The following ATP2A3 variants were observed in gnomAD, a reference collection of about 807,000 sequenced individuals.
The protein encoded by ATP2A3 is ATPase sarcoplasmic/endoplasmic reticulum Ca2+ transporting 3, also known as sarcoplasmic/endoplasmic reticulum calcium ATPase 3.
A neutral mutation model predicts 106.8 loss-of-function variants in ATP2A3; 61 were observed. The ratio of observed to expected loss-of-function variants is 0.57; its 90% CI spans 0.46 to 0.71. The LOEUF is 0.71. Among genes scored for constraint, ATP2A3 ranks in the 30% least tolerant of loss-of-function variants. The probability of loss-of-function intolerance (pLI) is 0.00; values close to 1 mark genes in which losing one functional copy is unlikely to be tolerated. For synonymous variants in ATP2A3, 611 were observed against 609.3 expected, an observed-to-expected ratio of 1.00 and a Z score of -0.04; for missense variants, 1,201 against 1,423.5, an observed-to-expected ratio of 0.84 and a Z score of 2.52.
At chr17:3,950,659 C>T in intron 6 of ATP2A3, 34 bp downstream of exon 6, 1 of 1,613,758 alleles carries the variant, frequency 6.2e-7, no homozygotes, top group South Asian at 1.1e-5. Flanking sequence ...TAGTCCTGGC[C>T]CACTAGGTCC....
In ATP2A3 at chr17:3,928,004, A is replaced by G. The variant is rs767107306; in HGVS notation, c.2980+659T>C. ...ACCCCTGCTTCCTCCCTCTCTGAGC[A>G]GCTCTGACAGCGAGACGATGCTGTG... On this transcript the variant is annotated intron_variant, in intron 20 of 20. Transcript: ENST00000397041. This position sits in a 1 kb window ranked among gnomAD's most constrained non-coding sequence, Gnocchi z 6.1. 3.7e-6 allele frequency: 6 copies of G among 1,614,082 alleles called. No individual in the cohort carries two copies. The East Asian group carries it at 8.9e-5, about 24-fold the overall frequency.
In ATP2A3 at chr17:3,936,458, G is replaced by A. The variant is rs746515855; in HGVS notation, c.2333C>T (p.Thr778Met). ...GGCTTCGGGCAGGCCCAGAATTGCCGTGAGGAAGATGCTGGAACAGAGTCA... is the reference window on the plus strand; with the variant it reads ...GGCTTCGGGCAGGCCCAGAATTGCCATGAGGAAGATGCTGGAACAGAGTCA... ...NVGEVVCIFL[T>M]AILGLPEALI... Residue 778 changes from threonine (T) to methionine (M), a missense_variant, in exon 16 of 21, where the codon ACG becomes ATG. Thr to Met is a moderately conservative substitution (Grantham distance 81). Transcript: ENST00000397041. The surrounding 1 kb of genome is among the most constrained non-coding windows in gnomAD (Gnocchi z 5.4). 8.1e-6 allele frequency: 13 copies of A among 1,613,940 alleles called. No homozygotes were observed. The highest frequency in any genetic ancestry group is 1.7e-5 in the Admixed American group (1 of 59,988).
chr17:3,930,605 G>A lies in ATP2A3; in HGVS notation c.2611-171C>T, dbSNP rs1258373350. ...GGGAGGGGTGCGGGGTCGGGGCGGC[G>A]GTGGGGAGAGCTGCACCGTGCCAGG... is the stretch of plus-strand genomic sequence containing the variant. On this transcript the variant is annotated intron_variant, in intron 17 of 20. Transcript: ENST00000397041. The surrounding 1 kb of genome is among the most constrained non-coding windows in gnomAD (Gnocchi z 5.4). 16 of 863,012 alleles carry A rather than the reference G, an allele frequency of 1.9e-5. No homozygotes were observed. The highest frequency in any genetic ancestry group is 5.3e-5 in the East Asian group (2 of 37,464). The allele number at this position is 863,012 out of a possible 1,614,324, so 53.5% of individuals were successfully genotyped here. A position where few individuals can be genotyped will look rare whatever the true frequency, so the allele number is the denominator to read the frequency against.
chr17:3,941,283 G>T lies in ATP2A3; in HGVS notation c.1788C>A (p.Cys596Ter). 6.2e-7 allele frequency: 1 copy of T among 1,613,582 alleles called. No homozygotes were observed. The highest frequency in any genetic ancestry group is 8.5e-7 in the Non-Finnish European group (1 of 1,179,944). ...GTCGCGGCGGGTCCAGCATGCCTACGCAGCCCACGAAGGTCAGGTCCGTCT... is the reference window on the plus strand; with the variant it reads ...GTCGCGGCGGGTCCAGCATGCCTACTCAGCCCACGAAGGTCAGGTCCGTCT... ...QYETDLTFVG[C>*]VGMLDPPRPE... The change falls in exon 14 of 21, where the codon TGC becomes TGA. Residue 596 changes from cysteine (C) to a stop codon, truncating the protein, a stop_gained. Coordinates refer to ENST00000397041, the MANE Select transcript of ATP2A3 (RefSeq NM_005173.4). LOFTEE classifies it high-confidence loss of function.
intron 17 of ATP2A3, 178 bp downstream of exon 17, chr17:3,935,014 G>C (rs2053348635): frequency 2.9e-6 from 2 of 687,970 alleles, no homozygotes; most frequent in Non-Finnish European, 5.1e-6. Context: ...GTCCGTGCTG[G>C]TGTCTCTGGG....
rs140082452 is a variant in ATP2A3, at chr17:3,942,680, G to A, written c.1471C>T (p.Arg491Trp). Residue 491 changes from arginine (R) to tryptophan (W), a missense_variant, in exon 12 of 21, where the codon CGG becomes TGG. By Grantham distance (101) the Arg-to-Trp change is moderately radical. Around this residue, in one of 2 missense-constraint regions of ATP2A3, gnomAD observed 935 missense variants for 1,176.7 expected, o/e 0.79. Coordinates refer to ENST00000397041, the MANE Select transcript of ATP2A3 (RefSeq NM_005173.4). Reference protein sequence around the residue: ...KEFTLEFSRDRKSMSVYCTPT... With the variant: ...KEFTLEFSRDWKSMSVYCTPT... ...GTGCAGTACACGGACATGGATTTCCGGTCTCGGGAGAACTCCAGGGTGAAC... is the reference window on the plus strand; with the variant it reads ...GTGCAGTACACGGACATGGATTTCCAGTCTCGGGAGAACTCCAGGGTGAAC... 5.0e-6 allele frequency: 8 copies of A among 1,613,542 alleles called. No individual in the cohort carries two copies. Among genetic ancestry groups the A allele is most frequent in the South Asian group, 2.2e-5 (2 of 91,080 alleles).
intron 10 of ATP2A3, among the ~76,000 whole-genome samples, chr17:3,944,155 ACTGT>A (rs746898051): frequency 2.8e-3 from 428 of 152,190 alleles, no homozygotes; most frequent in Non-Finnish European, 4.9e-3. Flanking sequence ...TCGGTCCTCT[ACTGT>A]CTGTCTGGCC....
At chr17:3,958,333 C>T (rs78503050) in intron 1 of ATP2A3, among the ~76,000 whole-genome samples, 1 of 152,300 alleles carries the variant, frequency 6.6e-6, no homozygotes, top group African/African-American at 2.4e-5. Flanking sequence ...AGCAGGACTT[C>T]GTTAAGCGCA....
rs2052662957 is a variant in ATP2A3 at position 3,925,587 on chromosome 17, C to T, written c.2981-146G>A. 1 of 1,019,350 alleles carries T rather than the reference C, an allele frequency of 9.8e-7. No homozygotes were observed. Among genetic ancestry groups the T allele is most frequent in the African/African-American group, 1.6e-5 (1 of 63,080 alleles). The allele number at this position is 1,019,350 out of a possible 1,614,324, so 63.1% of individuals were successfully genotyped here. ...CCCTTAGTCCAGACCTCAGTCTACC[C>T]CAGCCCCACCGGACCCCCCAAGCTG... On this transcript the variant is annotated intron_variant, in intron 20 of 20. Transcript: ENST00000397041. The surrounding 1 kb of genome is among the most constrained non-coding windows in gnomAD (Gnocchi z 4.2).
chr17:3,942,647 G>T lies in ATP2A3; in HGVS notation c.1504C>A (p.Arg502Ser), dbSNP rs145977939. Residue 502 changes from arginine to serine, a missense_variant, in exon 12 of 21, where the codon CGC (arginine) becomes AGC (serine). Physicochemically the swap from Arg to Ser is moderately radical, Grantham distance 110 (BLOSUM62 -1). Around this residue, in one of 2 missense-constraint regions of ATP2A3, gnomAD observed 935 missense variants for 1,176.7 expected, o/e 0.79. Coordinates refer to ENST00000397041, the MANE Select transcript of ATP2A3 (RefSeq NM_005173.4). ...KSMSVYCTPT[R>S]PHPTGQGSKM... ...CTGCCCTGGCCAGTAGGGTGAGGGC[G>T]GGTGGGCGTGCAGTACACGGACATG... 2.5e-6 allele frequency: 4 copies of T among 1,613,040 alleles called. No homozygotes were observed. In the African/African-American group the frequency reaches 5.3e-5, roughly 22 times the overall value.
At chr17:3,952,819 T>A (rs2054528520) in intron 3 of ATP2A3, among the ~76,000 whole-genome samples, 1 of 152,200 alleles carries the variant, frequency 6.6e-6, no homozygotes, top group African/African-American at 2.4e-5. Context: ...CTCAAACTCC[T>A]GGGCTCAAGC....
At position 3,925,034 on chromosome 17, in the gene ATP2A3, T is replaced by C. The variant is rs2052628434; in HGVS notation, c.*388A>G. On this transcript the variant is annotated 3_prime_UTR_variant, in exon 21 of 21. Transcript: ENST00000397041. The surrounding 1 kb of genome is among the most constrained non-coding windows in gnomAD (Gnocchi z 4.2). ...AGAGGCACCAGTCACCAAGTGAACG[T>C]CCAGCTTCCGAACAAGGGGGAGCAA... The C allele has an allele frequency of 2.1e-5, 9 of 421,474 alleles. No individual in the cohort carries two copies. Among genetic ancestry groups the C allele is most frequent in the South Asian group, 1.9e-4 (9 of 47,732 alleles). 26.1% of individuals were successfully genotyped at this position (421,474 alleles called of 1,614,324 possible).
chr17:3,961,677 G>A (rs1302799955), intron 1 of ATP2A3, among the ~76,000 whole-genome samples: 1 of 152,150 alleles, frequency 6.6e-6, no homozygotes, highest in Non-Finnish European at 1.5e-5. Context: ...TCTCTGGGGT[G>A]TCCCTTCTGC....
chr17:3,925,267 C>A lies in ATP2A3; in HGVS notation c.*155G>T. On this transcript the variant is annotated 3_prime_UTR_variant, in exon 21 of 21. Coordinates refer to ENST00000397041, the MANE Select transcript of ATP2A3 (RefSeq NM_005173.4). The surrounding 1 kb of genome is among the most constrained non-coding windows in gnomAD (Gnocchi z 4.2). ...GGGACAGAGACCCCAGGACGGGGCC[C>A]GGGGATGGCCATTCTGACCTCGGGC... 7.8e-7 allele frequency: 1 copy of A among 1,281,636 alleles called. No individual in the cohort carries two copies. The highest frequency in any genetic ancestry group is 1.1e-6 in the Non-Finnish European group (1 of 907,714). 79.4% of individuals were successfully genotyped at this position (1,281,636 alleles called of 1,614,324 possible).
intron 1 of ATP2A3, among the ~76,000 whole-genome samples, chr17:3,954,909 C>A (rs578048024): frequency 6.6e-6 from 1 of 152,192 alleles, no homozygotes; most frequent in Non-Finnish European, 1.5e-5. Context: ...AGGCAGGTGG[C>A]AGGGAGTTCC....
rs547195735 is a variant in ATP2A3 at position 3,950,780 on chromosome 17, G to A, written c.464-7C>T. ...GCAGGCACTTTGTCCCCCACTGTGC[G>A]GGGAGAATGGCTTGGCTGAGGGTGG... On this transcript the variant is annotated splice_polypyrimidine_tract_variant and splice_region_variant and intron_variant, in intron 5 of 20. Coordinates refer to ENST00000397041, the MANE Select transcript of ATP2A3 (RefSeq NM_005173.4). 41 of 1,612,462 alleles carry A rather than the reference G, an allele frequency of 2.5e-5. No individual in the cohort carries two copies. Among genetic ancestry groups the A allele is most frequent in the Admixed American group, 1.5e-4 (9 of 59,988 alleles).
At chr17:3,951,558 G>GCCCCCCCCCCA in intron 4 of ATP2A3, 23 bp downstream of exon 4, 1 of 716,220 alleles carries the variant, frequency 1.4e-6, no homozygotes, top group East Asian at 4.4e-5. Flanking sequence ...CCCCCGCCCG[G>GCCCCCCCCCCA]TCCCACCCCC....
chr17:3,951,713 G>C (rs1331113542), intron 3 of ATP2A3, 28 bp from the exon 4 acceptor site: 2 of 1,586,430 alleles, frequency 1.3e-6, no homozygotes, highest in Non-Finnish European at 1.7e-6. Context: ...GTGAGCTCAG[G>C]CCCTGCTGCG....
intron 1 of ATP2A3, among the ~76,000 whole-genome samples, chr17:3,954,646 G>A (rs1044106312): frequency 2.0e-5 from 3 of 151,876 alleles, no homozygotes; most frequent in Non-Finnish European, 2.9e-5. Context: ...ACAGGCACGC[G>A]GCACCACGCC....
Sources: gnomAD v4.1 joint callset for allele counts (sites outside exome capture counted in the v4.1 genomes callset) on GRCh38, gnomAD v4.1.1 for gene constraint, gnomAD v4.1.1 regional missense constraint, Gnocchi (gnomAD v3.1) non-coding constraint, MANE v1.5 for transcripts, NCBI Gene and HGNC (gene_info 2026-07-23, HGNC 2026-07-21) for gene names.